Variants in ADAM9 observed in about 807,000 individuals in gnomAD.
The protein encoded by ADAM9 is disintegrin and metalloproteinase domain-containing protein 9.
Under a neutral mutation model 108.1 loss-of-function variants are expected in ADAM9, and 54 were observed. That is an observed-to-expected ratio of 0.50 (90% CI 0.40 to 0.63). ADAM9 has a LOEUF of 0.63. Ranked by LOEUF, ADAM9 falls within the 20% of genes least tolerant of loss-of-function variation. The pLI is 0.00. For synonymous variants in ADAM9, 316 were observed against 336.0 expected (o/e 0.94, Z 0.65); for missense variants, 830 against 997.7 (o/e 0.83, Z 2.26).
At chr8:39,019,635 T>A (rs1836668589) in intron 7 of ADAM9, among the ~76,000 whole-genome samples, 1 of 152,168 alleles carries the variant, frequency 6.6e-6, no homozygotes, top group Non-Finnish European at 1.5e-5. Context: ...GTATTTTTAG[T>A]GTTTTGTTTG....
At position 39,006,358 on chromosome 8, in the gene ADAM9, T is replaced by C. The variant is rs1483034163; in HGVS notation, c.98-1528T>C. The stretch of plus-strand genomic sequence containing the variant: ...TTCTTGTTTGCAGCTGTTTGTATCT[T>C]TTTAATCCCAAACCAGACAAAATTA... On this transcript the variant is annotated intron_variant, in intron 1 of 21. Coordinates refer to ENST00000487273, the MANE Select transcript of ADAM9 (RefSeq NM_003816.3). Among the ~76,000 whole-genome samples the C allele has an allele frequency of 2.0e-5, 3 of 152,096 alleles. No homozygotes were observed. The East Asian group carries it at 5.8e-4, about 29-fold the overall frequency.
At chr8:39,069,759 A>G (rs1448068450) in intron 14 of ADAM9, among the ~76,000 whole-genome samples, 3 of 152,210 alleles carry the variant, frequency 2.0e-5, no homozygotes, top group Middle Eastern at 3.2e-3. Context: ...GAAATAGGAC[A>G]TATTGAAATA....
intron 16 of ADAM9, among the ~76,000 whole-genome samples, chr8:39,078,529 C>G (rs1359590454): frequency 6.6e-6 from 1 of 152,150 alleles, no homozygotes; most frequent in East Asian, 1.9e-4. Flanking sequence ...TGCCTGTAAT[C>G]CCAGCACTTT....
At chr8:39,014,154 C>A in intron 4 of ADAM9, 111 bp downstream of exon 4, 2 of 871,334 alleles carry the variant, frequency 2.3e-6, no homozygotes, top group African/African-American at 1.7e-5. Context: ...CACAGGGTAC[C>A]TTTAACATTA....
chr8:39,095,463 T>C (rs752298669), intron 20 of ADAM9, among the ~76,000 whole-genome samples: 2 of 152,210 alleles, frequency 1.3e-5, no homozygotes, highest in African/African-American at 2.4e-5. Flanking sequence ...TCTTCAGTTA[T>C]TGATTTTGAG....
At position 39,017,396 on chromosome 8, in the gene ADAM9, C is replaced by T. The variant is rs1836570064; in HGVS notation, c.588C>T (p.Ser196=). Residue 196 remains serine, a synonymous_variant, in exon 6 of 22, where the codon AGC becomes AGT. Transcript: ENST00000487273. ...TAKDEEEEPP[S]MTQLLRRRRA... The stretch of plus-strand genomic sequence containing the variant: ...AGGATGAAGAGGAAGAGCCTCCCAG[C>T]ATGACTCAGCTACTTCGAGTAAGGA... The T allele has an allele frequency of 1.9e-6, 3 of 1,614,018 alleles. No individual in the cohort carries two copies. The highest frequency in any genetic ancestry group is 2.7e-5 in the African/African-American group (2 of 75,036).
chr8:38,997,763 AACGATGTGCT>A (rs1397751609), intron 1 of ADAM9, among the ~76,000 whole-genome samples: 1 of 152,166 alleles, frequency 6.6e-6, no homozygotes, highest in African/African-American at 2.4e-5. Context: ...ATATTTTGTA[AACGATGTGCT>A]ACCTTTCTAT....
At chr8:39,038,994 A>C (rs1012366719) in intron 11 of ADAM9, among the ~76,000 whole-genome samples, 7 of 152,160 alleles carry the variant, frequency 4.6e-5, no homozygotes, top group Admixed American at 3.9e-4. Flanking sequence ...AACAGTACCA[A>C]AATGTTCTAG....
At chr8:39,010,757 G>A (rs1353353581) in intron 2 of ADAM9, among the ~76,000 whole-genome samples, 1 of 152,060 alleles carries the variant, frequency 6.6e-6, no homozygotes, top group Non-Finnish European at 1.5e-5. Flanking sequence ...ACTCTAAGAT[G>A]CCATCAATTG....
chr8:39,036,252 A>G (rs1837272159), intron 11 of ADAM9, among the ~76,000 whole-genome samples: 2 of 152,144 alleles, frequency 1.3e-5, no homozygotes, highest in South Asian at 4.1e-4. Flanking sequence ...CCTTTCTAGA[A>G]AAATGGCTTT....
At chr8:39,046,322 G>T (rs942109869) in intron 12 of ADAM9, among the ~76,000 whole-genome samples, 1 of 152,014 alleles carries the variant, frequency 6.6e-6, no homozygotes, top group African/African-American at 2.4e-5. Context: ...TTTGTTTCCT[G>T]CAACTTTACT....
chr8:39,044,779 T>C (rs1837561681), intron 12 of ADAM9, among the ~76,000 whole-genome samples: 1 of 152,122 alleles, frequency 6.6e-6, no homozygotes, highest in Non-Finnish European at 1.5e-5. Context: ...GGCCTCCAGC[T>C]CCATCCATGT....
At chr8:39,042,774 G>C (rs763450280) in intron 12 of ADAM9, among the ~76,000 whole-genome samples, 1 of 152,136 alleles carries the variant, frequency 6.6e-6, no homozygotes, top group Non-Finnish European at 1.5e-5. Context: ...AGAATACTTA[G>C]CATGAAATTG....
chr8:39,009,335 G>A (rs1489060600), intron 2 of ADAM9, among the ~76,000 whole-genome samples: 2 of 152,228 alleles, frequency 1.3e-5, no homozygotes, highest in African/African-American at 2.4e-5. Flanking sequence ...CGCCTCCTGG[G>A]TTCAAGTGAT....
chr8:39,015,966 C>T, intron 4 of ADAM9, 152 bp from the exon 5 acceptor site: 1 of 699,936 alleles, frequency 1.4e-6, no homozygotes, highest in Non-Finnish European at 2.4e-6. Flanking sequence ...CTAAAGAATG[C>T]CATGTGATAC....
chr8:38,998,698 G>T (rs1835903110), intron 1 of ADAM9, among the ~76,000 whole-genome samples: 1 of 152,146 alleles, frequency 6.6e-6, no homozygotes, highest in South Asian at 2.1e-4. Context: ...GGGCTACATC[G>T]GTGATTTTTC....
intron 2 of ADAM9, among the ~76,000 whole-genome samples, chr8:39,009,853 A>T (rs1348604915): frequency 1.5e-5 from 2 of 134,718 alleles, no homozygotes; most frequent in African/African-American, 5.6e-5. Context: ...ATGCCCTTGC[A>T]TGAATGCAGT....
chr8:39,055,241 C>T (rs1420534040), intron 13 of ADAM9, among the ~76,000 whole-genome samples: 1 of 152,128 alleles, frequency 6.6e-6, no homozygotes, highest in African/African-American at 2.4e-5. Flanking sequence ...ATCTATACTT[C>T]TACCAACAGT....
intron 14 of ADAM9, among the ~76,000 whole-genome samples, chr8:39,058,945 G>A (rs1393057512): frequency 2.6e-5 from 4 of 152,162 alleles, no homozygotes; most frequent in Non-Finnish European, 4.4e-5. Context: ...CAGCCTTTTG[G>A]AGAACCTTGC....
Sources: allele counts gnomAD v4.1 joint callset (sites outside exome capture counted in the v4.1 genomes callset), GRCh38; gene constraint gnomAD v4.1.1; transcripts MANE v1.5; gene names NCBI Gene and HGNC (gene_info 2026-07-23, HGNC 2026-07-21).